Variants in GCNA observed in about 807,000 individuals in gnomAD.
GCNA encodes germ cell nuclear acidic protein.
GCNA carries 3 observed loss-of-function variants against 38.8 expected under a neutral mutation model. The observed-to-expected ratio is 0.08, with a 90% CI of 0.04 to 0.20. The LOEUF (loss-of-function observed/expected upper bound fraction) is 0.20. Among genes scored for constraint, GCNA ranks in the 10% least tolerant of loss-of-function variants. The probability of loss-of-function intolerance (pLI) is 1.00; values close to 1 mark genes in which losing one functional copy is unlikely to be tolerated. For missense variants in GCNA, 446 were observed against 578.6 expected (o/e 0.77, Z 2.35); for synonymous variants, 195 against 240.2 (o/e 0.81, Z 1.74).
At position 71,605,703 on chromosome X, in the gene GCNA, A is replaced by G. The variant is rs772374706; in HGVS notation, c.1440A>G (p.Ala480=). The stretch of plus-strand genomic sequence containing the variant: ...GGCCTTCAAAGAAGAAACCCGGTGC[A>G]GCAAAAGTTGAAAAACGCAAGACTA... ...KRGPSKKKPG[A]AKVEKRKTRT... The change falls in exon 9 of 13, where the codon GCA becomes GCG. Residue 480 remains alanine, a synonymous_variant. Coordinates refer to ENST00000373696, the MANE Select transcript of GCNA (RefSeq NM_052957.5). 9.9e-6 allele frequency: 12 copies of G among 1,208,940 alleles called. No individual in the cohort carries two copies. The highest frequency in any genetic ancestry group is 5.9e-5 in the East Asian group (2 of 33,715).
At position 71,580,857 on chromosome X, in the gene GCNA, A is replaced by G; in HGVS notation, c.36A>G (p.Gln12=). 8.3e-7 allele frequency: 1 copy of G among 1,202,502 alleles called. No homozygotes were observed. The highest frequency in any genetic ancestry group is 1.8e-5 in the South Asian group (1 of 55,334). The change falls in exon 2 of 13, where the codon CAA becomes CAG. Residue 12 remains glutamine, a synonymous_variant. Transcript: ENST00000373696. Reference sequence around the variant, plus strand: ...GCAAAAAAGAGCTGCCCCGCTTGCAAGAGCCGGAGGAGGACGAGGATTGGT... The same window carrying G: ...GCAAAAAAGAGCTGCCCCGCTTGCAGGAGCCGGAGGAGGACGAGGATTGGT... ...DGCKKELPRL[Q]EPEEDEDCYI... is the part of the protein sequence containing the mutation.
chrX:71,598,914 C>T (rs2040692254), intron 7 of GCNA, among the ~76,000 whole-genome samples: 1 of 111,178 alleles, frequency 9.0e-6, no homozygotes, highest in Non-Finnish European at 1.9e-5. Context: ...GATCTCAGCT[C>T]TCTGCAACCT....
At chrX:71,585,833 T>C (rs2040581263) in intron 2 of GCNA, among the ~76,000 whole-genome samples, 1 of 92,229 alleles carries the variant, frequency 1.1e-5, no homozygotes, top group East Asian at 3.7e-4. Flanking sequence ...GAGGTTTTTT[T>C]AGGGGGTGGA....
intron 7 of GCNA, 61 bp downstream of exon 7, chrX:71,598,099 A>G: frequency 1.1e-6 from 1 of 881,633 alleles, no homozygotes; most frequent in Admixed American, 2.4e-5. Flanking sequence ...CACACGTGGT[A>G]CTTTCAGGAT....
At chrX:71,590,222 C>T (rs1234338268) in intron 2 of GCNA, among the ~76,000 whole-genome samples, 1 of 111,896 alleles carries the variant, frequency 8.9e-6, no homozygotes, top group Non-Finnish European at 1.9e-5. Flanking sequence ...CCTTGGACTT[C>T]CTCACCTGTT....
intron 1 of GCNA, chrX:71,580,295 G>C (rs931820613): frequency 3.7e-5 from 4 of 108,427 alleles, no homozygotes; most frequent in African/African-American, 1.4e-4. Flanking sequence ...GATTGGGGTG[G>C]TAGAGGCCTG....
chrX:71,609,193 A>G, intron 10 of GCNA, 76 bp downstream of exon 10: 1 of 1,017,044 alleles, frequency 9.8e-7, no homozygotes, highest in Non-Finnish European at 1.4e-6. Context: ...TGTGCTAACC[A>G]TGTATACTTC....
intron 2 of GCNA, among the ~76,000 whole-genome samples, chrX:71,590,004 A>G (rs2084334154): frequency 9.4e-6 from 1 of 106,542 alleles, no homozygotes; most frequent in Admixed American, 1.0e-4. Flanking sequence ...TCCTGGGCTC[A>G]AGTAATCCTC....
Position 71,604,408 on chromosome X carries a change from G to A in GCNA, c.1131G>A (p.Glu377=), listed in dbSNP as rs1406381960. Residue 377 remains glutamate (E), a synonymous_variant, in exon 8 of 13, where the codon GAG becomes GAA. Coordinates refer to ENST00000373696, the MANE Select transcript of GCNA (RefSeq NM_052957.5). ...ATGCTGGTGAGCAGGATCTTGGTGA[G>A]AATCTCAGCAAACCACCAAGTGATC... ...SDDAGEQDLG[E]NLSKPPSDPE... The A allele has an allele frequency of 8.3e-6, 10 of 1,209,336 alleles. No individual in the cohort carries two copies. The highest frequency in any genetic ancestry group is 1.1e-5 in the Non-Finnish European group (10 of 894,778).
intron 2 of GCNA, among the ~76,000 whole-genome samples, chrX:71,590,963 G>C (rs1186728357): frequency 1.1e-4 from 12 of 111,878 alleles, no homozygotes; most frequent in Non-Finnish European, 2.1e-4. Context: ...GATTACAAGC[G>C]TGAGCCACCG....
chrX:71,584,164 G>A (rs1216198716), intron 2 of GCNA, among the ~76,000 whole-genome samples: 1 of 111,283 alleles, frequency 9.0e-6, no homozygotes, highest in Non-Finnish European at 1.9e-5. Context: ...ACTGTTGATT[G>A]AGTAATTTGA....
At position 71,604,190 on chromosome X, in the gene GCNA, C is replaced by G. The variant is rs750247880; in HGVS notation, c.913C>G (p.Pro305Ala). The G allele has an allele frequency of 4.1e-6, 5 of 1,211,575 alleles. No homozygotes were observed. The Admixed American group carries it at 1.1e-4, about 26-fold the overall frequency. The change falls in exon 8 of 13, where the codon CCC becomes GCC. Residue 305 changes from proline (P) to alanine (A), a missense_variant. Physicochemically the swap from Pro to Ala is conservative, Grantham distance 27 (BLOSUM62 -1). Coordinates refer to ENST00000373696, the MANE Select transcript of GCNA (RefSeq NM_052957.5). ...CGACAGCAGTGATGATTCGGAAGCT[C>G]CCGACGACAAGAGTGATGATTCGGA... is the stretch of plus-strand genomic sequence containing the variant. ...SDDSSDDSEA[P>A]DDKSDDSDVP...
intron 10 of GCNA, 96 bp from the exon 11 acceptor site, chrX:71,610,585 C>A: frequency 9.3e-7 from 1 of 1,070,073 alleles, no homozygotes; most frequent in South Asian, 2.3e-5. Context: ...TGCACTCCAG[C>A]CTGGGCAACA....
intron 8 of GCNA, among the ~76,000 whole-genome samples, chrX:71,605,243 C>CT (rs2147730135): frequency 1.0e-5 from 1 of 98,198 alleles, no homozygotes; most frequent in African/African-American, 3.7e-5. Context: ...GATACATAAG[C>CT]CTTTAGCTAG....
At chrX:71,581,990 C>G (rs2040549490) in intron 2 of GCNA, among the ~76,000 whole-genome samples, 1 of 108,944 alleles carries the variant, frequency 9.2e-6, no homozygotes, top group Non-Finnish European at 1.9e-5. Context: ...AAAAAAAATA[C>G]AAACGGACCT....
chrX:71,601,098 C>G (rs771593089), intron 7 of GCNA, among the ~76,000 whole-genome samples: 12 of 111,894 alleles, frequency 1.1e-4, no homozygotes, highest in African/African-American at 3.9e-4. Context: ...GTAATCCCAG[C>G]ACTTGGGGAG....
intron 2 of GCNA, among the ~76,000 whole-genome samples, chrX:71,585,687 G>A (rs1421671147): frequency 9.1e-6 from 1 of 109,302 alleles, no homozygotes; most frequent in African/African-American, 3.3e-5. Context: ...AGATAAGACT[G>A]TTAGCTTGTT....
At chrX:71,610,850 T>A (rs1320837512) in intron 11 of GCNA, 31 bp downstream of exon 11, 1 of 1,207,156 alleles carries the variant, frequency 8.3e-7, no homozygotes, top group East Asian at 3.0e-5. Flanking sequence ...GCTTCACCAC[T>A]GTGCTCTTTC....
intron 8 of GCNA, among the ~76,000 whole-genome samples, chrX:71,605,354 C>T (rs1310947900): frequency 1.8e-5 from 2 of 112,520 alleles, no homozygotes; most frequent in Admixed American, 9.4e-5. Flanking sequence ...TCCATAGCAC[C>T]CCTTCGACTG....
Sources: allele counts gnomAD v4.1 joint callset (sites outside exome capture counted in the v4.1 genomes callset), GRCh38; gene constraint gnomAD v4.1.1; transcripts MANE v1.5; gene names NCBI Gene and HGNC (gene_info 2026-07-23, HGNC 2026-07-21).